Variants in NUDC observed in about 807,000 individuals in gnomAD.
NUDC encodes the protein nuclear distribution C, dynein complex regulator, also known as nuclear migration protein nudC.
A neutral mutation model predicts 45.0 loss-of-function variants in NUDC; 14 were observed. The ratio of observed to expected loss-of-function variants is 0.31; its 90% confidence interval spans 0.21 to 0.49. The LOEUF is 0.49. Among genes scored for constraint, NUDC ranks in the 20% least tolerant of loss-of-function variants. NUDC has a pLI of 0.99. For synonymous variants in NUDC, 153 were observed against 156.7 expected (o/e 0.98, Z 0.17); for missense variants, 323 against 426.2 (o/e 0.76, Z 2.13).
At chr1:26,945,014 C>T in intron 6 of NUDC, 1 of 282,596 alleles carries the variant, frequency 3.5e-6, no homozygotes, top group South Asian at 3.7e-5. Context: ...AGCACTCCAG[C>T]CTGGACAAGA....
At position 26,923,834 on chromosome 1, in the gene NUDC, T is replaced by C. The variant is rs562352053; in HGVS notation, c.82-255T>C. Among the ~76,000 whole-genome samples the C allele has an allele frequency of 4.0e-5, 6 of 151,684 alleles. No homozygotes were observed. The South Asian group carries it at 1.3e-3, about 32-fold the overall frequency. On this transcript the variant is annotated intron_variant, in intron 1 of 8. Transcript: ENST00000321265. ...TTTTCATGCCCTGGATGCAGAGGAG[T>C]GTTCCATACGCTTAGGCTGCTTCTA...
chr1:26,935,904 G>A (rs2082225560), intron 2 of NUDC, among the ~76,000 whole-genome samples: 1 of 149,702 alleles, frequency 6.7e-6, no homozygotes, highest in Admixed American at 6.7e-5. Flanking sequence ...GAGGTGGTAG[G>A]ATCACTTGAG....
intron 6 of NUDC, among the ~76,000 whole-genome samples, chr1:26,944,934 C>T (rs192632697): frequency 1.1e-4 from 17 of 151,928 alleles, no homozygotes; most frequent in African/African-American, 3.9e-4. Context: ...CCCAGTTACT[C>T]GGGAGGCTGA....
chr1:26,912,736 G>T (rs1356619976), intron 3 of NUDC, among the ~76,000 whole-genome samples: 1 of 152,102 alleles, frequency 6.6e-6, no homozygotes, highest in Non-Finnish European at 1.5e-5. Context: ...ACCCACAGAG[G>T]AGTTTTAGCT....
At chr1:26,920,988 G>A (rs967753375), upstream of NUDC, among the ~76,000 whole-genome samples, 2 of 152,122 alleles carry the variant, frequency 1.3e-5, no homozygotes, top group African/African-American at 4.8e-5. Context: ...TTGAAGGGAA[G>A]AAGAAAGATA....
intron 2 of NUDC, among the ~76,000 whole-genome samples, chr1:26,902,530 A>C (rs949834595): frequency 3.3e-5 from 5 of 152,152 alleles, no homozygotes; most frequent in African/African-American, 1.2e-4. Context: ...TCCCTGCTGC[A>C]ATATTCTTCC....
At chr1:26,928,946 G>T (rs1008257944) in intron 2 of NUDC, among the ~76,000 whole-genome samples, 4 of 152,074 alleles carry the variant, frequency 2.6e-5, no homozygotes, top group African/African-American at 9.7e-5. Context: ...ATCAGGAGGA[G>T]GATTTACTTG....
intron 3 of NUDC, chr1:26,913,565 G>A (rs375748036): frequency 6.2e-7 from 1 of 1,614,132 alleles, no homozygotes; most frequent in Non-Finnish European, 8.5e-7. Context: ...CTGCTGCTGG[G>A]CTCCTCCAGC....
chr1:26,941,507 G>A lies in NUDC; in HGVS notation c.210G>A (p.Arg70=), dbSNP rs1210140516. The change falls in exon 3 of 9, where the codon CGG becomes CGA. Residue 70 remains arginine (R), a synonymous_variant. Transcript: ENST00000321265. ...SHHNQLAQKT[R]REKRARQEAE... ...ACAATCAGCTGGCACAGAAGACCCG[G>A]CGGGAGAAGAGAGCCCGGCAGGAGG... The A allele has an allele frequency of 5.6e-6, 9 of 1,614,076 alleles. No homozygotes were observed. The highest frequency in any genetic ancestry group is 1.3e-5 in the African/African-American group (1 of 75,054).
chr1:26,900,487 A>G (rs761453004), intron 1 of NUDC: 12 of 1,495,892 alleles, frequency 8.0e-6, no homozygotes, highest in Non-Finnish European at 1.1e-5. Context: ...TCGCGAGAAC[A>G]CCGCGAGCAA....
At chr1:26,935,238 C>T (rs1385692163) in intron 2 of NUDC, among the ~76,000 whole-genome samples, 1 of 152,152 alleles carries the variant, frequency 6.6e-6, no homozygotes, top group Non-Finnish European at 1.5e-5. Flanking sequence ...CCCCCTTGGC[C>T]TCCCAAAGTG....
At position 26,941,780 on chromosome 1, in the gene NUDC, C is replaced by T; in HGVS notation, c.391C>T (p.Gln131Ter). Residue 131 changes from glutamine (Q) to a stop codon, truncating the protein, a stop_gained, in exon 4 of 9, where the codon CAG becomes TAG. Transcript: ENST00000321265. LOFTEE classifies it high-confidence loss of function. ...AAAGGATGCAGAGAATCATGAGGCC[C>T]AGCTCAAGAACGGCAGCCTTGACTC... is the stretch of plus-strand genomic sequence containing the variant. ...QKKDAENHEAQLKNGSLDSPG... is the reference protein window; with the variant it reads ...QKKDAENHEA 6.2e-7 allele frequency: 1 copy of T among 1,613,882 alleles called. No individual in the cohort carries two copies. The highest frequency in any genetic ancestry group is 8.5e-7 in the Non-Finnish European group (1 of 1,180,036).
chr1:26,913,685 G>A lies in NUDC; in HGVS notation c.93+2450G>A, dbSNP rs750666067. On this transcript the variant is annotated intron_variant, in intron 3 of 6. Transcript: ENST00000435827. ...GGGCCCCAGCAACCCTGCAGCAGCC[G>A]CCGCTGGTCCTGGGGAGGCAGCTGC... 60 of 1,612,896 alleles carry A rather than the reference G, an allele frequency of 3.7e-5. No homozygotes were observed. The highest frequency in any genetic ancestry group is 3.5e-4 in the Admixed American group (21 of 59,964).
At chr1:26,915,058 C>CATACATATATATATATATAT (rs758134417) in intron 3 of NUDC, among the ~76,000 whole-genome samples, 1 of 140,552 alleles carries the variant, frequency 7.1e-6, no homozygotes, top group African/African-American at 2.6e-5. Context: ...TACATACATA[C>CATACATATATATATATATAT]ATATATATAT....
intron 2 of NUDC, among the ~76,000 whole-genome samples, chr1:26,927,070 G>T (rs1209256225): frequency 6.6e-6 from 1 of 152,146 alleles, no homozygotes; most frequent in African/African-American, 2.4e-5. Flanking sequence ...TGGGTGTTGG[G>T]GCAGAATCCC....
At chr1:26,904,048 T>TAATA (rs1012765775) in intron 2 of NUDC, among the ~76,000 whole-genome samples, 7 of 143,382 alleles carry the variant, frequency 4.9e-5, no homozygotes, top group Non-Finnish European at 1.1e-4. Context: ...AATAAATAAA[T>TAATA]AATAAATAAA....
At chr1:26,911,640 A>G (rs1379362576) in intron 3 of NUDC, 3 of 620,176 alleles carry the variant, frequency 4.8e-6, no homozygotes, top group Non-Finnish European at 8.7e-6. Context: ...GACCACCAAA[A>G]GCCTCCCAGG....
chr1:26,920,755 C>CA (rs1349494293), upstream of NUDC, among the ~76,000 whole-genome samples: 2 of 131,970 alleles, frequency 1.5e-5, no homozygotes, highest in Non-Finnish European at 1.6e-5. Flanking sequence ...CCATCTCTAC[C>CA]AAAAAACAAA....
At chr1:26,911,482 G>C in intron 3 of NUDC, 1 of 347,212 alleles carries the variant, frequency 2.9e-6, no homozygotes, top group Non-Finnish European at 5.6e-6. Context: ...ACAGTATCAG[G>C]CTCCAAGTGT....
Sources: gnomAD v4.1 joint callset for allele counts (sites outside exome capture counted in the v4.1 genomes callset) on GRCh38, gnomAD v4.1.1 for gene constraint, MANE v1.5 for transcripts, NCBI Gene and HGNC (gene_info 2026-07-23, HGNC 2026-07-21) for gene names.